The following TPST1 variants were observed in gnomAD, a reference collection of about 807,000 sequenced individuals.
TPST1 encodes the protein tyrosylprotein sulfotransferase 1.
A neutral mutation model predicts 34.8 loss-of-function variants in TPST1; 20 were observed. That is an observed-to-expected ratio of 0.57 (90% CI 0.40 to 0.84). TPST1 has a LOEUF of 0.84. Among genes scored for constraint, TPST1 ranks in the 40% least tolerant of loss-of-function variants. TPST1 has a pLI of 0.00. For synonymous variants in TPST1, 152 were observed against 159.4 expected, an observed-to-expected ratio of 0.95 and a Z score of 0.35; for missense variants, 353 against 455.5, an observed-to-expected ratio of 0.78 and a Z score of 2.05.
At chr7:66,354,016 C>G (rs1792533188) in intron 4 of TPST1, among the ~76,000 whole-genome samples, 1 of 152,212 alleles carries the variant, frequency 6.6e-6, no homozygotes, top group South Asian at 2.1e-4. Context: ...TATTCTTATT[C>G]ACATATATTT....
chr7:66,356,888 AT>A lies in TPST1; in HGVS notation c.*29+19del. On this transcript the variant is annotated intron_variant, in intron 5 of 5. Transcript: ENST00000304842. ...ATACATGAGGTGAGGGTTGGGGGACATTGCCAGGTCTTTCTGTTTCCCACTC... is the reference window on the plus strand; with the variant it reads ...ATACATGAGGTGAGGGTTGGGGGACATGCCAGGTCTTTCTGTTTCCCACTC... 1 of 1,613,786 alleles carries A rather than the reference AT, an allele frequency of 6.2e-7. No homozygotes were observed. Among genetic ancestry groups the A allele is most frequent in the South Asian group, 1.1e-5 (1 of 91,010 alleles).
chr7:66,237,792 A>G (rs996344246), intron 1 of TPST1, among the ~76,000 whole-genome samples: 1 of 152,126 alleles, frequency 6.6e-6, no homozygotes. Flanking sequence ...TGGGGCTTTC[A>G]AGTCTGAAAT....
At chr7:66,337,578 G>A (rs969160589) in intron 3 of TPST1, among the ~76,000 whole-genome samples, 1 of 151,924 alleles carries the variant, frequency 6.6e-6, no homozygotes, top group Admixed American at 6.6e-5. Context: ...TGAAGTGCTG[G>A]GATTACAGGC....
intron 2 of TPST1, among the ~76,000 whole-genome samples, chr7:66,246,754 C>G (rs1486406269): frequency 6.6e-6 from 1 of 152,200 alleles, no homozygotes; most frequent in South Asian, 2.1e-4. Context: ...TCCATCATCC[C>G]CAGGATCCAA....
intron 2 of TPST1, among the ~76,000 whole-genome samples, chr7:66,285,754 A>G (rs1791021320): frequency 1.3e-5 from 2 of 152,238 alleles, no homozygotes; most frequent in Non-Finnish European, 1.5e-5. Context: ...GCTACATTTT[A>G]TCCTGAGGTT....
chr7:66,274,107 G>A (rs1224254267), intron 2 of TPST1, among the ~76,000 whole-genome samples: 1 of 151,008 alleles, frequency 6.6e-6, no homozygotes, highest in African/African-American at 2.4e-5. Context: ...GGTGGCTGAC[G>A]CCTGTAATCC....
intron 2 of TPST1, among the ~76,000 whole-genome samples, chr7:66,274,188 G>T: frequency 6.6e-6 from 1 of 151,638 alleles, no homozygotes; most frequent in Non-Finnish European, 1.5e-5. Context: ...CTAACACGGT[G>T]AAACCCCATT....
At chr7:66,250,834 G>T (rs889578528) in intron 2 of TPST1, among the ~76,000 whole-genome samples, 1 of 152,162 alleles carries the variant, frequency 6.6e-6, no homozygotes, top group African/African-American at 2.4e-5. Context: ...TTCAACGTAA[G>T]CACTGCGATA....
At chr7:66,234,422 C>CACACACACACACACACACAG (rs1789866037) in intron 1 of TPST1, among the ~76,000 whole-genome samples, 3 of 151,100 alleles carry the variant, frequency 2.0e-5, no homozygotes, top group Middle Eastern at 3.4e-3. Flanking sequence ...CACACACACA[C>CACACACACACACACACACAG]ACACACACAG....
At chr7:66,229,739 C>T (rs79966571) in intron 1 of TPST1, among the ~76,000 whole-genome samples, 1,899 of 152,234 alleles carry the variant, frequency 0.012, 38 homozygotes, top group African/African-American at 0.042. Flanking sequence ...ATTGGGCATT[C>T]CCAGTAGCAA....
intron 1 of TPST1, among the ~76,000 whole-genome samples, chr7:66,219,158 A>G (rs1274190974): frequency 6.8e-6 from 1 of 147,876 alleles, no homozygotes; most frequent in African/African-American, 2.5e-5. Flanking sequence ...TCAGCCTCCC[A>G]GAGTGCTGGG....
At chr7:66,217,211 T>A (rs1789440717) in intron 1 of TPST1, among the ~76,000 whole-genome samples, 1 of 152,190 alleles carries the variant, frequency 6.6e-6, no homozygotes, top group African/African-American at 2.4e-5. Context: ...ATCTAGTTGA[T>A]TTGTAGTATT....
intron 1 of TPST1, among the ~76,000 whole-genome samples, chr7:66,213,621 G>T (rs1290128801): frequency 3.3e-5 from 5 of 152,140 alleles, no homozygotes; most frequent in African/African-American, 1.2e-4. Flanking sequence ...CAGGCTTGGT[G>T]GCGGGTGCCT....
intron 3 of TPST1, among the ~76,000 whole-genome samples, chr7:66,326,592 T>C (rs567569583): frequency 6.6e-6 from 1 of 152,316 alleles, no homozygotes; most frequent in African/African-American, 2.4e-5. Context: ...TTCTGCACAC[T>C]AAACTTCCCC....
At chr7:66,320,689 C>G (rs1178556674) in intron 3 of TPST1, among the ~76,000 whole-genome samples, 1 of 152,014 alleles carries the variant, frequency 6.6e-6, no homozygotes, top group East Asian at 1.9e-4. Flanking sequence ...ACCTCCGCCT[C>G]CCAGGTTCAA....
At chr7:66,353,503 C>T (rs1271674360) in intron 4 of TPST1, among the ~76,000 whole-genome samples, 5 of 152,116 alleles carry the variant, frequency 3.3e-5, no homozygotes, top group Non-Finnish European at 5.9e-5. Context: ...TCAGAGTTTT[C>T]CCTGTAACGT....
At chr7:66,320,659 A>C (rs1401274169) in intron 3 of TPST1, among the ~76,000 whole-genome samples, 1 of 151,024 alleles carries the variant, frequency 6.6e-6, no homozygotes, top group Non-Finnish European at 1.5e-5. Flanking sequence ...AGTGCAATGG[A>C]GTGATCTCGT....
chr7:66,241,325 A>G (rs1790031633), intron 2 of TPST1, 55 bp downstream of exon 2: 1 of 1,533,778 alleles, frequency 6.5e-7, no homozygotes, highest in Non-Finnish European at 8.7e-7. Flanking sequence ...ATAATGATCT[A>G]TACATATGTA....
intron 2 of TPST1, among the ~76,000 whole-genome samples, chr7:66,276,235 G>A (rs987345849): frequency 2.0e-5 from 3 of 150,686 alleles, no homozygotes; most frequent in Non-Finnish European, 4.4e-5. Context: ...TTGGTTTTTA[G>A]TATTTGCTGT....
Sources: allele counts gnomAD v4.1 joint callset (sites outside exome capture counted in the v4.1 genomes callset), GRCh38; gene constraint gnomAD v4.1.1; transcripts MANE v1.5; gene names NCBI Gene and HGNC (gene_info 2026-07-23, HGNC 2026-07-21).